The following SEMA5B variants were observed in gnomAD, a reference collection of about 807,000 sequenced individuals.
The protein encoded by SEMA5B is semaphorin-5B.
In SEMA5B, 66 loss-of-function variants were observed where a neutral mutation model predicts 135.0. That is an observed-to-expected ratio of 0.49 (90% CI 0.40 to 0.60). SEMA5B has a LOEUF of 0.60. SEMA5B is among the 20% of genes least tolerant of loss of function. SEMA5B has a pLI of 0.00. For synonymous variants in SEMA5B, 690 were observed against 639.5 expected, an observed-to-expected ratio of 1.08 and a Z score of -1.19; for missense variants, 1,501 against 1,566.3, an observed-to-expected ratio of 0.96 and a Z score of 0.70.
intron 20 of SEMA5B, 105 bp from the exon 21 acceptor site, chr3:122,911,640 G>A (rs1031877324): frequency 4.8e-5 from 56 of 1,171,150 alleles, no homozygotes; most frequent in Non-Finnish European, 6.2e-5. Context: ...ACGCTCAGAC[G>A]TAGGACTAGG....
chr3:122,985,618 G>C (rs1231599885), intron 1 of SEMA5B, among the ~76,000 whole-genome samples: 1 of 152,192 alleles, frequency 6.6e-6, no homozygotes, highest in East Asian at 1.9e-4. Context: ...AAAGGGGAAT[G>C]GCCACAGCAT....
chr3:122,983,438 AT>A (rs927308652), intron 1 of SEMA5B, among the ~76,000 whole-genome samples: 2 of 151,824 alleles, frequency 1.3e-5, no homozygotes, highest in Non-Finnish European at 2.9e-5. Flanking sequence ...TGCACAATAA[AT>A]CATCCGCGGG....
chr3:122,995,079 G>T (rs570660027), intron 1 of SEMA5B, among the ~76,000 whole-genome samples: 22 of 152,178 alleles, frequency 1.4e-4, no homozygotes, highest in Non-Finnish European at 2.9e-4. Flanking sequence ...GGTTGGAAAA[G>T]TGAGTCCAGC....
intron 1 of SEMA5B, among the ~76,000 whole-genome samples, chr3:123,019,920 C>T (rs967985704): frequency 3.3e-5 from 5 of 152,146 alleles, no homozygotes; most frequent in Non-Finnish European, 7.3e-5. Flanking sequence ...GGGATTCTGA[C>T]CTCAAATCAG....
chr3:122,915,695 T>C (rs779573612), intron 13 of SEMA5B, 74 bp from the exon 14 acceptor site: 224 of 1,600,554 alleles, frequency 1.4e-4, no homozygotes, highest in Non-Finnish European at 1.8e-4. Context: ...TCTCAGGGGA[T>C]TGGGGGAATA....
intron 1 of SEMA5B, among the ~76,000 whole-genome samples, chr3:123,017,589 A>G (rs116303199): frequency 6.6e-6 from 1 of 152,350 alleles, no homozygotes; most frequent in African/African-American, 2.4e-5. Flanking sequence ...TGTAGCATGC[A>G]ACAGAATGAC....
chr3:122,970,285 A>T (rs1255272401), intron 1 of SEMA5B, among the ~76,000 whole-genome samples: 1 of 152,206 alleles, frequency 6.6e-6, no homozygotes, highest in Non-Finnish European at 1.5e-5. Context: ...TCTATGAAAG[A>T]ATTTGGCCCT....
intron 1 of SEMA5B, among the ~76,000 whole-genome samples, chr3:122,962,275 C>T (rs771476817): frequency 6.6e-6 from 1 of 152,252 alleles, no homozygotes; most frequent in Non-Finnish European, 1.5e-5. Flanking sequence ...TCCAGAGACT[C>T]ATCTGTGACT....
intron 4 of SEMA5B, among the ~76,000 whole-genome samples, chr3:122,941,635 C>T (rs548221524): frequency 6.6e-5 from 10 of 152,238 alleles, no homozygotes; most frequent in Non-Finnish European, 1.5e-4. Flanking sequence ...AAAATAGTGC[C>T]TGGCACATGG....
At chr3:123,005,655 T>C (rs573913032) in intron 1 of SEMA5B, among the ~76,000 whole-genome samples, 1 of 152,146 alleles carries the variant, frequency 6.6e-6, no homozygotes, top group South Asian at 2.1e-4. Flanking sequence ...AGAGAATAAA[T>C]AGGGACTCAG....
At chr3:122,961,608 AC>A (rs1414752667) in intron 1 of SEMA5B, among the ~76,000 whole-genome samples, 5 of 152,088 alleles carry the variant, frequency 3.3e-5, no homozygotes, top group Non-Finnish European at 5.9e-5. Flanking sequence ...AACAGGTTGC[AC>A]CACCATACCT....
At position 122,912,197 on chromosome 3, in the gene SEMA5B, T is replaced by G. The variant is rs751201951; in HGVS notation, c.2871A>C (p.Ala957=). The G allele has an allele frequency of 6.3e-7, 1 of 1,598,986 alleles. No individual in the cohort carries two copies. Among genetic ancestry groups the G allele is most frequent in the South Asian group, 1.1e-5 (1 of 88,988 alleles). The change falls in exon 19 of 23, where the codon GCA becomes GCC. Residue 957 remains alanine (A), a synonymous_variant. Coordinates refer to ENST00000357599, the MANE Select transcript of SEMA5B (RefSeq NM_001031702.4). ...DICLGLHTEE[A]LCATQACPEG... The stretch of plus-strand genomic sequence containing the variant: ...CTGGGCAGGCCTGTGTGGCACATAG[T>G]GCCTCCTCCGTGTGCAGCCCGAGAC...
intron 3 of SEMA5B, 92 bp downstream of exon 3, chr3:122,948,414 T>C (rs1939886533): frequency 8.9e-7 from 1 of 1,120,706 alleles, no homozygotes; most frequent in Non-Finnish European, 1.3e-6. Flanking sequence ...CCCAAGGACA[T>C]CCAACAGCCA....
chr3:122,915,393 C>A (rs1938009177), intron 14 of SEMA5B, 47 bp downstream of exon 14: 3 of 1,546,082 alleles, frequency 1.9e-6, no homozygotes, highest in South Asian at 1.3e-5. Flanking sequence ...CTAGTTCTCC[C>A]CACCCTGGTC....
intron 1 of SEMA5B, among the ~76,000 whole-genome samples, chr3:122,979,884 TC>T (rs1454886370): frequency 6.6e-6 from 1 of 152,236 alleles, no homozygotes; most frequent in East Asian, 1.9e-4. Flanking sequence ...CACTGGCAAC[TC>T]CCCATTTGTG....
At chr3:122,972,269 G>A (rs1454532628) in intron 1 of SEMA5B, among the ~76,000 whole-genome samples, 3 of 152,160 alleles carry the variant, frequency 2.0e-5, no homozygotes, top group East Asian at 3.8e-4. Context: ...CAGACTTTTT[G>A]GAGTCAGGAA....
intron 18 of SEMA5B, among the ~76,000 whole-genome samples, 195 bp from the exon 19 acceptor site, chr3:122,912,537 C>T (rs1937791575): frequency 6.6e-6 from 1 of 151,852 alleles, no homozygotes; most frequent in South Asian, 2.1e-4. Context: ...ACGCAGGAAG[C>T]AGCAGAGACA....
At position 123,020,708 on chromosome 3, in the gene SEMA5B, C is replaced by G. The variant is rs540169652; in HGVS notation, c.-39+6756G>C. Among the ~76,000 whole-genome samples the G allele has an allele frequency of 2.0e-4, 30 of 152,198 alleles. No homozygotes were observed. The South Asian group carries it at 6.2e-3, about 32-fold the overall frequency. On this transcript the variant is annotated intron_variant, in intron 1 of 22. Transcript: ENST00000357599. Reference sequence around the variant, plus strand: ...TCAAAAAAATACCAGTGCCCAGGCTCCCCCCGCAGAAATCCTATCTTAATT... The same window carrying G: ...TCAAAAAAATACCAGTGCCCAGGCTGCCCCCGCAGAAATCCTATCTTAATT...
chr3:122,932,971 C>G (rs1939059218), intron 5 of SEMA5B, among the ~76,000 whole-genome samples: 1 of 152,168 alleles, frequency 6.6e-6, no homozygotes, highest in South Asian at 2.1e-4. Context: ...CTGCTCCCCT[C>G]GGCCTCCCAA....
Sources: gnomAD v4.1 joint callset for allele counts (sites outside exome capture counted in the v4.1 genomes callset) on GRCh38, gnomAD v4.1.1 for gene constraint, MANE v1.5 for transcripts, NCBI Gene and HGNC (gene_info 2026-07-23, HGNC 2026-07-21) for gene names.